FBXL17: variants seen among roughly 807,000 people sequenced by gnomAD.
The protein encoded by FBXL17 is F-box/LRR-repeat protein 17.
A neutral mutation model predicts 66.2 loss-of-function variants in FBXL17; 22 were observed. The ratio of observed to expected loss-of-function variants is 0.33; its 90% CI spans 0.24 to 0.47. The LOEUF (loss-of-function observed/expected upper bound fraction) is 0.47, where lower values mean the gene tolerates loss of function less well. Among genes scored for constraint, FBXL17 ranks in the 20% least tolerant of loss-of-function variants. FBXL17 has a pLI of 1.00. For synonymous variants in FBXL17, 474 were observed against 400.5 expected (o/e 1.18, Z -2.19); for missense variants, 878 against 948.2 (o/e 0.93, Z 0.97).
intron 6 of FBXL17, among the ~76,000 whole-genome samples, chr5:108,120,665 C>T (rs567069826): frequency 2.0e-5 from 3 of 151,936 alleles, no homozygotes; most frequent in Non-Finnish European, 4.4e-5. Context: ...ACTCTTATCT[C>T]TACAAAAAAA....
intron 8 of FBXL17, chr5:107,880,576 C>A: frequency 9.7e-7 from 1 of 1,025,914 alleles, no homozygotes; most frequent in Non-Finnish European, 1.2e-6. Context: ...TTGTTGGTCC[C>A]GAATGGCCAG....
At chr5:107,911,913 T>C (rs772270990) in intron 7 of FBXL17, among the ~76,000 whole-genome samples, 11 of 152,064 alleles carry the variant, frequency 7.2e-5, no homozygotes, top group Non-Finnish European at 1.2e-4. Flanking sequence ...ATAAATATAT[T>C]AAAATGTTAT....
At chr5:108,270,587 C>G (rs1325354263) in intron 4 of FBXL17, among the ~76,000 whole-genome samples, 1 of 148,396 alleles carries the variant, frequency 6.7e-6, no homozygotes, top group African/African-American at 2.5e-5. Context: ...ACCAAAGAAA[C>G]AGAGCATCCA....
intron 4 of FBXL17, among the ~76,000 whole-genome samples, chr5:108,226,158 C>G (rs1434531536): frequency 6.6e-6 from 1 of 152,024 alleles, no homozygotes; most frequent in Non-Finnish European, 1.5e-5. Context: ...GTCACTCTTC[C>G]CCTCTCAAAA....
intron 4 of FBXL17, among the ~76,000 whole-genome samples, chr5:108,302,526 A>G (rs1204547811): frequency 6.6e-6 from 1 of 151,800 alleles, no homozygotes; most frequent in Non-Finnish European, 1.5e-5. Context: ...GATACTTACA[A>G]GACATAATTC....
At chr5:108,334,315 G>A (rs983862460) in intron 4 of FBXL17, among the ~76,000 whole-genome samples, 1 of 152,112 alleles carries the variant, frequency 6.6e-6, no homozygotes, top group Non-Finnish European at 1.5e-5. Context: ...CAGGTGTTGA[G>A]GCCAGAAAGA....
chr5:108,224,528 TACAC>T lies in FBXL17; in HGVS notation c.1507-304_1507-301del, dbSNP rs138044828. Among the ~76,000 whole-genome samples, 505 of 147,346 alleles carry T rather than the reference TACAC, an allele frequency of 3.4e-3. 16 individuals carry two copies. In the East Asian group the frequency reaches 0.062, roughly 18 times the overall value. ...GTGTGTGTATATATATGTATATGTATACACACACACACACACACACACACACACA... is the reference window on the plus strand; with the variant it reads ...GTGTGTGTATATATATGTATATGTATACACACACACACACACACACACACA... On this transcript the variant is annotated intron_variant, in intron 4 of 8. Coordinates refer to ENST00000542267, the MANE Select transcript of FBXL17 (RefSeq NM_001163315.3).
chr5:108,259,262 C>G (rs1468151957), intron 4 of FBXL17, among the ~76,000 whole-genome samples: 1 of 152,150 alleles, frequency 6.6e-6, no homozygotes, highest in Non-Finnish European at 1.5e-5. Context: ...TAAAAAATGT[C>G]TATCGATATG....
chr5:108,128,904 C>T (rs929505921), intron 6 of FBXL17, among the ~76,000 whole-genome samples: 2 of 151,998 alleles, frequency 1.3e-5, no homozygotes, highest in African/African-American at 2.4e-5. Context: ...AACAAAATAA[C>T]GAGCCCAACC....
At chr5:108,041,628 G>C (rs1747050993) in intron 6 of FBXL17, among the ~76,000 whole-genome samples, 2 of 151,942 alleles carry the variant, frequency 1.3e-5, no homozygotes, top group Admixed American at 6.6e-5. Context: ...ATGTTGGCCA[G>C]GGTGATCTCG....
At chr5:108,073,146 A>C (rs72798145) in intron 6 of FBXL17, among the ~76,000 whole-genome samples, 624 of 152,188 alleles carry the variant, frequency 4.1e-3, no homozygotes, top group Non-Finnish European at 6.1e-3. Flanking sequence ...AAAATGAAAA[A>C]CTCTGGCTAT....
intron 6 of FBXL17, among the ~76,000 whole-genome samples, chr5:108,073,480 C>A (rs1486159638): frequency 2.6e-5 from 4 of 151,766 alleles, no homozygotes; most frequent in Admixed American, 2.6e-4. Context: ...AAGTAAAAAA[C>A]CATAAAAAAT....
At chr5:107,892,704 A>C (rs1199778228) in intron 7 of FBXL17, among the ~76,000 whole-genome samples, 1 of 152,182 alleles carries the variant, frequency 6.6e-6, no homozygotes, top group African/African-American at 2.4e-5. Context: ...AGCTATTTAC[A>C]AACTAAAACT....
chr5:108,370,476 G>A (rs1162406414), intron 1 of FBXL17, among the ~76,000 whole-genome samples: 1 of 152,178 alleles, frequency 6.6e-6, no homozygotes, highest in African/African-American at 2.4e-5. Flanking sequence ...AGGGCATGGT[G>A]GCTCATGCCT....
At chr5:107,965,322 G>A (rs1752082425) in intron 7 of FBXL17, among the ~76,000 whole-genome samples, 1 of 151,974 alleles carries the variant, frequency 6.6e-6, no homozygotes, top group Non-Finnish European at 1.5e-5. Flanking sequence ...TGTATGTTTG[G>A]AAAATAAAAA....
rs1395715129 is a variant in FBXL17, at chr5:108,292,980, A to G, written c.1506+55419T>C. On this transcript the variant is annotated intron_variant, in intron 4 of 8. Transcript: ENST00000542267. ...CTGGCGGGTGCCTGTAGTCCAAGCTACTGGGGAGGCTGAGGCAGAATGGCG... is the reference window on the plus strand; with the variant it reads ...CTGGCGGGTGCCTGTAGTCCAAGCTGCTGGGGAGGCTGAGGCAGAATGGCG... Among the ~76,000 whole-genome samples, 5 of 151,710 alleles carry G rather than the reference A, an allele frequency of 3.3e-5. No homozygotes were observed. The East Asian group carries it at 9.7e-4, about 30-fold the overall frequency.
intron 6 of FBXL17, among the ~76,000 whole-genome samples, chr5:108,029,005 G>A (rs1754931868): frequency 6.6e-6 from 1 of 152,090 alleles, no homozygotes; most frequent in Admixed American, 6.6e-5. Context: ...AAATACAGAG[G>A]AAAGCAGGTC....
chr5:108,115,129 T>C (rs992480312), intron 6 of FBXL17, among the ~76,000 whole-genome samples: 3 of 152,156 alleles, frequency 2.0e-5, no homozygotes, highest in African/African-American at 4.8e-5. Flanking sequence ...TAGGAAGGTG[T>C]CTATTGTCCA....
intron 4 of FBXL17, among the ~76,000 whole-genome samples, chr5:108,268,446 G>A (rs1395338506): frequency 6.6e-6 from 1 of 151,930 alleles, no homozygotes; most frequent in Non-Finnish European, 1.5e-5. Flanking sequence ...TATCAGAAAA[G>A]GACCAGAACT....
Sources: allele counts gnomAD v4.1 joint callset (sites outside exome capture counted in the v4.1 genomes callset), GRCh38; gene constraint gnomAD v4.1.1; transcripts MANE v1.5; gene names NCBI Gene and HGNC (gene_info 2026-07-23, HGNC 2026-07-21).